The following PLCL1 variants were observed in gnomAD, a reference collection of about 807,000 sequenced individuals.
PLCL1 encodes the protein inactive phospholipase C-like protein 1.
Under a neutral mutation model 84.4 loss-of-function variants are expected in PLCL1, and 41 were observed. The ratio of observed to expected loss-of-function variants is 0.49; its 90% CI spans 0.38 to 0.63. PLCL1 has a LOEUF of 0.63. Ranked by LOEUF, PLCL1 falls within the 30% of genes least tolerant of loss-of-function variation. PLCL1 has a pLI of 0.00. For missense variants in PLCL1, 1,206 were observed against 1,367.8 expected, an observed-to-expected ratio of 0.88 and a Z score of 1.87; for synonymous variants, 490 against 488.3, an observed-to-expected ratio of 1.00 and a Z score of -0.05.
chr2:197,919,786 G>C (rs1688670477), intron 1 of PLCL1, among the ~76,000 whole-genome samples: 1 of 152,192 alleles, frequency 6.6e-6, no homozygotes. Context: ...CTGATTCTCT[G>C]AGTGACTAAG....
chr2:198,084,553 A>C lies in PLCL1; in HGVS notation c.1036A>C (p.Thr346Pro). ...MLFLEAEQGV[T>P]HITEDICLDI... ...CTTTTTAGAAGCTGAGCAAGGAGTC[A>C]CCCATATCACCGAGGATATATGCTT... Residue 346 changes from threonine (T) to proline (P), a missense_variant, in exon 2 of 6, where the codon ACC becomes CCC. By Grantham distance (38) the Thr-to-Pro change is conservative. Coordinates refer to ENST00000428675, the MANE Select transcript of PLCL1 (RefSeq NM_006226.4). 1 of 1,613,886 alleles carries C rather than the reference A, an allele frequency of 6.2e-7. No homozygotes were observed. Among genetic ancestry groups the C allele is most frequent in the Non-Finnish European group, 8.5e-7 (1 of 1,179,768 alleles).
At chr2:198,059,214 T>C (rs1359187605) in intron 1 of PLCL1, among the ~76,000 whole-genome samples, 1 of 152,234 alleles carries the variant, frequency 6.6e-6, no homozygotes, top group East Asian at 1.9e-4. Flanking sequence ...CCTCCAAATG[T>C]GTATACCTAT....
At chr2:197,928,939 T>C (rs1179438123) in intron 1 of PLCL1, among the ~76,000 whole-genome samples, 1 of 152,150 alleles carries the variant, frequency 6.6e-6, no homozygotes, top group Non-Finnish European at 1.5e-5. Flanking sequence ...TCTGTTTGGA[T>C]TATATTGTTT....
chr2:197,935,127 G>A (rs924458020), intron 1 of PLCL1, among the ~76,000 whole-genome samples: 15 of 152,070 alleles, frequency 9.9e-5, no homozygotes, highest in African/African-American at 2.9e-4. Context: ...AAAAAGTAAA[G>A]AAATAACAGG....
chr2:198,017,750 C>T lies in PLCL1; in HGVS notation c.241-66008C>T, dbSNP rs112258355. 8.5e-3 allele frequency among the ~76,000 whole-genome samples: 1,287 copies of T among 152,230 alleles called. 18 individuals carry two copies. Among genetic ancestry groups the T allele is most frequent in the African/African-American group, 0.026 (1,076 of 41,532 alleles). On this transcript the variant is annotated intron_variant, in intron 1 of 5. Transcript: ENST00000428675. ...TTATCCAAAATGTTAAACTTTATTC[C>T]GCAAAATTTTAACTCAAAAAATATT...
intron 5 of PLCL1, among the ~76,000 whole-genome samples, chr2:198,114,550 G>A (rs943376510): frequency 6.6e-6 from 1 of 151,824 alleles, no homozygotes; most frequent in Non-Finnish European, 1.5e-5. Context: ...TTAGCCTAAG[G>A]TGAGTTGTAG....
intron 1 of PLCL1, among the ~76,000 whole-genome samples, chr2:197,810,989 T>C (rs1251507794): frequency 1.3e-5 from 2 of 152,234 alleles, no homozygotes; most frequent in Non-Finnish European, 2.9e-5. Context: ...GGACTTTACA[T>C]TGAAATCTAA....
In PLCL1 at chr2:198,088,978, GT is replaced by G; in HGVS notation, c.2837del (p.Val946GlyfsTer2). 6.2e-7 allele frequency: 1 copy of G among 1,613,852 alleles called. No homozygotes were observed. Among genetic ancestry groups the G allele is most frequent in the Non-Finnish European group, 8.5e-7 (1 of 1,179,738 alleles). On this transcript the variant is annotated frameshift_variant, in exon 3 of 6. Transcript: ENST00000428675. LOFTEE classifies it high-confidence loss of function. ...TGACAATACTCCTTCAGTCTCACTT[GT>G]GATGAAAGACAGCTTTCCTTACCTG... is the stretch of plus-strand genomic sequence containing the variant. ...TSDNTPSVSL[V>X]MKDSFPYLEP...
At chr2:198,000,409 G>A (rs1376610175) in intron 1 of PLCL1, among the ~76,000 whole-genome samples, 1 of 152,170 alleles carries the variant, frequency 6.6e-6, no homozygotes, top group Non-Finnish European at 1.5e-5. Flanking sequence ...ATAGTTGTTT[G>A]TAGTTTTAGA....
intron 5 of PLCL1, among the ~76,000 whole-genome samples, chr2:198,111,974 T>G (rs1296355617): frequency 2.0e-5 from 3 of 151,880 alleles, no homozygotes. Context: ...CAGTAGTCAG[T>G]GGTTAGTGCA....
At chr2:197,865,253 G>A (rs577998482) in intron 1 of PLCL1, among the ~76,000 whole-genome samples, 16 of 152,228 alleles carry the variant, frequency 1.1e-4, no homozygotes, top group Admixed American at 2.0e-4. Flanking sequence ...AGCAGGGGAC[G>A]TAGGTCAGAT....
intron 1 of PLCL1, among the ~76,000 whole-genome samples, chr2:197,813,509 T>G (rs1690630807): frequency 6.6e-6 from 1 of 152,110 alleles, no homozygotes; most frequent in Admixed American, 6.5e-5. Context: ...ATTATATATT[T>G]AGAAATGTTA....
At chr2:198,070,986 C>T (rs939520067) in intron 1 of PLCL1, 4 of 805,942 alleles carry the variant, frequency 5.0e-6, no homozygotes, top group Admixed American at 6.2e-5. Flanking sequence ...CTAGAGATAA[C>T]CACTATCACC....
At chr2:197,825,912 G>C (rs940315791) in intron 1 of PLCL1, among the ~76,000 whole-genome samples, 1 of 152,184 alleles carries the variant, frequency 6.6e-6, no homozygotes, top group Non-Finnish European at 1.5e-5. Context: ...AAATATTTTA[G>C]GCTGTGCCTA....
At chr2:197,956,205 T>C (rs1376951817) in intron 1 of PLCL1, among the ~76,000 whole-genome samples, 1 of 152,194 alleles carries the variant, frequency 6.6e-6, no homozygotes, top group East Asian at 1.9e-4. Context: ...CACATGTTCT[T>C]TATCCAGTTT....
chr2:197,805,147 G>C lies in PLCL1; in HGVS notation c.48G>C (p.Ala16=), dbSNP rs770658. 630,389 of 1,304,786 alleles carry C rather than the reference G, an allele frequency of 0.48. 154,570 individuals are homozygous for C. The highest frequency in any genetic ancestry group is 0.61 in the African/African-American group (39,139 of 64,574). The allele number at this position is 1,304,786 out of a possible 1,614,324, so 80.8% of individuals were successfully genotyped here. A position where few individuals can be genotyped will look rare whatever the true frequency, so the allele number is the denominator to read the frequency against. The change falls in exon 1 of 6, where the codon GCG becomes GCC. Residue 16 remains alanine (A), a synonymous_variant. Coordinates refer to ENST00000428675, the MANE Select transcript of PLCL1 (RefSeq NM_006226.4). The surrounding 1 kb of genome is among the most constrained non-coding windows in gnomAD (Gnocchi z 4.0). The part of the protein sequence containing the change: ...AGREDPAPPD[A]AGGEDDPRVG... ...GGGAGGATCCGGCGCCGCCCGACGC[G>C]GCGGGGGGCGAAGACGACCCCCGAG...
At chr2:197,959,740 G>GA (rs960119548) in intron 1 of PLCL1, among the ~76,000 whole-genome samples, 186 of 151,550 alleles carry the variant, frequency 1.2e-3, no homozygotes, top group African/African-American at 4.2e-3. Flanking sequence ...AGTTTCTTGG[G>GA]AAAAAAAACA....
chr2:198,028,135 G>A (rs779038281), intron 1 of PLCL1, among the ~76,000 whole-genome samples: 2 of 152,078 alleles, frequency 1.3e-5, no homozygotes, highest in African/African-American at 2.4e-5. Flanking sequence ...GCTGCCATGT[G>A]CGGCCAGGAA....
intron 1 of PLCL1, among the ~76,000 whole-genome samples, chr2:197,836,765 G>C (rs1691200584): frequency 6.6e-6 from 1 of 152,268 alleles, no homozygotes; most frequent in South Asian, 2.1e-4. Context: ...CTGTTGCTCA[G>C]GCTGGAGTGC....
Sources: allele counts gnomAD v4.1 joint callset (sites outside exome capture counted in the v4.1 genomes callset), GRCh38; gene constraint gnomAD v4.1.1; non-coding constraint Gnocchi (gnomAD v3.1); transcripts MANE v1.5; gene names NCBI Gene and HGNC (gene_info 2026-07-23, HGNC 2026-07-21).